Variants in MAST4 observed in about 807,000 individuals in gnomAD.
MAST4 encodes the protein microtubule-associated serine/threonine-protein kinase 4.
A neutral mutation model predicts 162.7 loss-of-function variants in MAST4; 89 were observed. That is an observed-to-expected ratio of 0.55 (90% CI 0.46 to 0.65). MAST4 has a LOEUF of 0.65. MAST4 is among the 30% of genes least tolerant of loss of function. MAST4 has a pLI of 0.00. For missense variants in MAST4, 3,153 were observed against 3,374.0 expected (o/e 0.93, Z 1.62); for synonymous variants, 1,479 against 1,361.1 (o/e 1.09, Z -1.91).
chr5:66,626,624 A>G (rs1744446667), intron 1 of MAST4, among the ~76,000 whole-genome samples: 2 of 152,234 alleles, frequency 1.3e-5, no homozygotes, highest in South Asian at 4.1e-4. Flanking sequence ...AAGTGCAGTA[A>G]TGATTTAAAG....
intron 3 of MAST4, among the ~76,000 whole-genome samples, chr5:66,880,751 T>A (rs1198823263): frequency 6.6e-6 from 1 of 152,246 alleles, no homozygotes; most frequent in Non-Finnish European, 1.5e-5. Context: ...TTATTTTCCG[T>A]GATGCTTTGT....
At chr5:66,956,852 G>A (rs1348937427) in intron 4 of MAST4, among the ~76,000 whole-genome samples, 1 of 152,152 alleles carries the variant, frequency 6.6e-6, no homozygotes, top group African/African-American at 2.4e-5. Context: ...AGGTGTAGAG[G>A]GTACCAGGGA....
intron 1 of MAST4, among the ~76,000 whole-genome samples, chr5:66,747,428 T>C (rs1035609351): frequency 6.6e-6 from 1 of 152,326 alleles, no homozygotes; most frequent in South Asian, 2.1e-4. Flanking sequence ...GTACATCTTC[T>C]AGTTTAAACA....
chr5:66,950,792 T>TATA (rs1210880646), intron 4 of MAST4, among the ~76,000 whole-genome samples: 1 of 152,206 alleles, frequency 6.6e-6, no homozygotes. Context: ...ACTTTGGGTA[T>TATA]ATACCCAGAA....
intron 3 of MAST4, among the ~76,000 whole-genome samples, chr5:66,837,869 T>TATATAC (rs1758092856): frequency 1.8e-5 from 1 of 55,610 alleles, no homozygotes; most frequent in South Asian, 8.7e-4. Flanking sequence ...TGATTTTATA[T>TATATAC]ATATATATAT....
chr5:67,162,400 G>A (rs1773288885), intron 27 of MAST4, among the ~76,000 whole-genome samples: 1 of 152,104 alleles, frequency 6.6e-6, no homozygotes, highest in Admixed American at 6.5e-5. Flanking sequence ...GGAATTGAGA[G>A]AGGCTCCATT....
chr5:66,793,847 C>T (rs1400831947), intron 3 of MAST4, among the ~76,000 whole-genome samples: 12 of 152,142 alleles, frequency 7.9e-5, no homozygotes, highest in South Asian at 4.1e-4. Context: ...ATTCATTTTT[C>T]GCCATAGCTT....
In MAST4 at chr5:67,142,452, G is replaced by A. The variant is rs372772933; in HGVS notation, c.2649G>A (p.Thr883=). 44 of 1,600,866 alleles carry A rather than the reference G, an allele frequency of 2.7e-5. No individual in the cohort carries two copies. The East Asian group carries it at 4.1e-4, about 15-fold the overall frequency. Residue 883 remains threonine, a synonymous_variant, in exon 21 of 29, where the codon ACG becomes ACA. Transcript: ENST00000403625. ...TRSEKYHHME[T]EEEDDTNDED... The stretch of plus-strand genomic sequence containing the variant: ...CTGAGAAGTATCATCATATGGAAAC[G>A]GAGGAAGAAGATGACACAAATGATG...
intron 4 of MAST4, among the ~76,000 whole-genome samples, chr5:66,999,809 A>G (rs949841186): frequency 6.6e-6 from 1 of 151,076 alleles, no homozygotes. Flanking sequence ...ATTTTTTGGT[A>G]TTTTCCAGGA....
chr5:67,010,487 C>G (rs897730786), intron 4 of MAST4, among the ~76,000 whole-genome samples: 1 of 152,074 alleles, frequency 6.6e-6, no homozygotes. Flanking sequence ...AAAGAAAGAG[C>G]CCCCTAGGCA....
chr5:66,784,674 C>G (rs571517037), intron 2 of MAST4, among the ~76,000 whole-genome samples: 2 of 152,014 alleles, frequency 1.3e-5, no homozygotes, highest in Non-Finnish European at 2.9e-5. Flanking sequence ...GTGTGTGTGA[C>G]CCGGCCTAAG....
intron 1 of MAST4, among the ~76,000 whole-genome samples, chr5:66,752,529 AG>A (rs1305425794): frequency 1.4e-5 from 2 of 139,584 alleles, no homozygotes; most frequent in Non-Finnish European, 1.5e-5. Flanking sequence ...AAACCAACAA[AG>A]ATCAAAAGAG....
At chr5:66,798,961 G>T (rs759298671) in intron 3 of MAST4, among the ~76,000 whole-genome samples, 1 of 152,064 alleles carries the variant, frequency 6.6e-6, no homozygotes, top group African/African-American at 2.4e-5. Flanking sequence ...GTGATACTTT[G>T]TACCCCCTTT....
chr5:66,861,071 A>G (rs1760079832), intron 3 of MAST4, among the ~76,000 whole-genome samples: 1 of 152,130 alleles, frequency 6.6e-6, no homozygotes, highest in South Asian at 2.1e-4. Context: ...TTGCCTTATA[A>G]TTGGGTCACA....
chr5:66,733,323 C>T (rs958533622), intron 1 of MAST4, among the ~76,000 whole-genome samples: 3 of 147,388 alleles, frequency 2.0e-5, no homozygotes, highest in Non-Finnish European at 4.5e-5. Context: ...CCCCCCACCA[C>T]ACACATGCAC....
chr5:66,815,350 C>T (rs1350138189), intron 3 of MAST4, among the ~76,000 whole-genome samples: 1 of 152,186 alleles, frequency 6.6e-6, no homozygotes, highest in Non-Finnish European at 1.5e-5. Context: ...TGGGTGAATA[C>T]AGTACAGTAT....
Position 67,169,058 on chromosome 5 carries a change from G to C in MAST4, c.*2007G>C, listed in dbSNP as rs1056935050. The stretch of plus-strand genomic sequence containing the variant: ...AATGGATTTCAAAACTGGTCTCAAC[G>C]TTTATAATACATATCTGTGTTTGGC... On this transcript the variant is annotated 3_prime_UTR_variant, in exon 29 of 29. Transcript: ENST00000403625. 1 of 151,900 alleles carries C rather than the reference G, an allele frequency of 6.6e-6. No individual in the cohort carries two copies. Among genetic ancestry groups the C allele is most frequent in the Admixed American group, 6.6e-5 (1 of 15,240 alleles). 9.4% of individuals were successfully genotyped at this position (151,900 alleles called of 1,614,324 possible).
intron 4 of MAST4, among the ~76,000 whole-genome samples, chr5:66,926,354 C>T (rs1764890003): frequency 6.6e-6 from 1 of 152,096 alleles, no homozygotes; most frequent in South Asian, 2.1e-4. Context: ...TCAAGGCCAG[C>T]CTGACAAATA....
intron 4 of MAST4, among the ~76,000 whole-genome samples, chr5:66,907,115 A>G (rs547861884): frequency 6.6e-6 from 1 of 150,638 alleles, no homozygotes; most frequent in Non-Finnish European, 1.5e-5. Context: ...GGTGGGGAAA[A>G]TGGAATTTAC....
Sources: allele counts gnomAD v4.1 joint callset (sites outside exome capture counted in the v4.1 genomes callset), GRCh38; gene constraint gnomAD v4.1.1; transcripts MANE v1.5; gene names NCBI Gene and HGNC (gene_info 2026-07-23, HGNC 2026-07-21).